Variants in PDZD8 observed in about 807,000 individuals in gnomAD.
PDZD8 encodes the protein PDZ domain containing 8.
Under a neutral mutation model 85.8 loss-of-function variants are expected in PDZD8, and 14 were observed. The observed-to-expected ratio is 0.16, with a 90% confidence interval of 0.11 to 0.26. PDZD8 has a LOEUF of 0.26. Among genes scored for constraint, PDZD8 ranks in the 10% least tolerant of loss-of-function variants. PDZD8 has a pLI of 1.00. For synonymous variants in PDZD8, 592 were observed against 568.6 expected (o/e 1.04, Z -0.59); for missense variants, 1,197 against 1,424.3 (o/e 0.84, Z 2.57).
chr10:117,366,329 A>C (rs368569964), intron 1 of PDZD8, among the ~76,000 whole-genome samples: 11 of 152,212 alleles, frequency 7.2e-5, no homozygotes, highest in African/African-American at 2.7e-4. Context: ...TTTATGCAGA[A>C]AATTTGTTTT....
At chr10:117,353,530 A>G (rs1844842481) in intron 1 of PDZD8, among the ~76,000 whole-genome samples, 1 of 152,164 alleles carries the variant, frequency 6.6e-6, no homozygotes, top group African/African-American at 2.4e-5. Context: ...GAGAATCTAC[A>G]CCTTGATGTT....
intron 3 of PDZD8, among the ~76,000 whole-genome samples, chr10:117,300,731 G>C (rs2133779851): frequency 6.6e-6 from 1 of 152,214 alleles, no homozygotes; most frequent in South Asian, 2.1e-4. Context: ...AGGTCATGAG[G>C]GTGGAGCCCT....
Position 117,367,785 on chromosome 10 carries a change from T to G in PDZD8, c.872+6571A>C, listed in dbSNP as rs561524318. On this transcript the variant is annotated intron_variant, in intron 1 of 4. Transcript: ENST00000334464. ...CCCATCTCTACTAAAAATAAAAAAA[T>G]TAGCTGGGCATTGTGGCACACGCCT... Among the ~76,000 whole-genome samples the G allele has an allele frequency of 3.3e-5, 5 of 151,956 alleles. No individual in the cohort carries two copies. In the South Asian group the frequency reaches 1.0e-3, roughly 32 times the overall value.
chr10:117,366,666 C>T (rs1589597060), intron 1 of PDZD8, among the ~76,000 whole-genome samples: 1 of 151,812 alleles, frequency 6.6e-6, no homozygotes, highest in East Asian at 2.0e-4. Context: ...AAAAACCATT[C>T]TTAATGCAGG....
intron 2 of PDZD8, among the ~76,000 whole-genome samples, chr10:117,339,242 C>G (rs17096122): frequency 0.04 from 6,114 of 151,766 alleles, 144 homozygotes; most frequent in East Asian, 0.067. Context: ...CCTGTGTGCT[C>G]AAGTACTTAA....
intron 3 of PDZD8, among the ~76,000 whole-genome samples, chr10:117,300,168 C>T (rs80341034): frequency 6.6e-6 from 1 of 152,162 alleles, no homozygotes; most frequent in East Asian, 1.9e-4. Context: ...GTTAAAAAAA[C>T]TGGGCCTGCT....
At chr10:117,345,989 CCAGCA>C (rs1285195361) in intron 1 of PDZD8, among the ~76,000 whole-genome samples, 1 of 151,958 alleles carries the variant, frequency 6.6e-6, no homozygotes, top group Non-Finnish European at 1.5e-5. Flanking sequence ...GCCTGTAATC[CCAGCA>C]CTTTGGGAGG....
chr10:117,309,019 T>C (rs1843990552), intron 3 of PDZD8, among the ~76,000 whole-genome samples: 1 of 152,144 alleles, frequency 6.6e-6, no homozygotes, highest in Admixed American at 6.6e-5. Context: ...GTTTATGTCC[T>C]AGTTCTGCAT....
Position 117,340,049 on chromosome 10 carries a change from T to C in PDZD8, c.995+931A>G, listed in dbSNP as rs984954735. Among the ~76,000 whole-genome samples the C allele has an allele frequency of 3.3e-5, 5 of 152,304 alleles. No homozygotes were observed. The East Asian group carries it at 7.7e-4, about 23-fold the overall frequency. ...GAGATATGAAGGCTAGTATAGTAAGTAGCTCAAGCAAGATATGAATATAGC... is the reference window on the plus strand; with the variant it reads ...GAGATATGAAGGCTAGTATAGTAAGCAGCTCAAGCAAGATATGAATATAGC... On this transcript the variant is annotated intron_variant, in intron 2 of 4. Transcript: ENST00000334464.
chr10:117,289,367 T>C (rs1844718437), intron 4 of PDZD8, among the ~76,000 whole-genome samples: 3 of 152,228 alleles, frequency 2.0e-5, no homozygotes, highest in African/African-American at 4.8e-5. Context: ...TTCTAACTTA[T>C]TTATTGTCTA....
intron 2 of PDZD8, among the ~76,000 whole-genome samples, chr10:117,327,177 A>C (rs1844331816): frequency 6.6e-6 from 1 of 152,202 alleles, no homozygotes; most frequent in Non-Finnish European, 1.5e-5. Flanking sequence ...GCATGTTGAA[A>C]CTGGCAATGC....
intron 1 of PDZD8, among the ~76,000 whole-genome samples, chr10:117,354,388 T>C (rs1844857836): frequency 6.6e-6 from 1 of 152,206 alleles, no homozygotes; most frequent in Admixed American, 6.5e-5. Flanking sequence ...TCTTCTCTTC[T>C]TTATGCCAAA....
chr10:117,307,953 A>G (rs908991147), intron 3 of PDZD8, among the ~76,000 whole-genome samples: 1 of 152,116 alleles, frequency 6.6e-6, no homozygotes, highest in African/African-American at 2.4e-5. Flanking sequence ...TTACAGCAAA[A>G]TGCAAATGGG....
intron 1 of PDZD8, among the ~76,000 whole-genome samples, chr10:117,349,383 T>A (rs550425388): frequency 6.6e-6 from 1 of 152,134 alleles, no homozygotes. Flanking sequence ...AACTGGAATA[T>A]AGAGAAGGAA....
chr10:117,323,844 T>C (rs1844268810), intron 2 of PDZD8, among the ~76,000 whole-genome samples: 1 of 152,120 alleles, frequency 6.6e-6, no homozygotes, highest in East Asian at 1.9e-4. Flanking sequence ...GCTAGAGAAA[T>C]ATGAAGCTGT....
intron 1 of PDZD8, among the ~76,000 whole-genome samples, chr10:117,351,756 T>C (rs1404488416): frequency 2.0e-5 from 3 of 152,204 alleles, no homozygotes; most frequent in Admixed American, 1.3e-4. Context: ...GGTGTGATCA[T>C]GGCTCACTAC....
chr10:117,374,513 T>A lies in PDZD8; in HGVS notation c.715A>T (p.Thr239Ser), dbSNP rs753171090. Residue 239 changes from threonine (T) to serine (S), a missense_variant, in exon 1 of 5, where the codon ACC (threonine) becomes TCC (serine). Physicochemically the swap from Thr to Ser is moderately conservative, Grantham distance 58 (BLOSUM62 1). Around this residue, in one of 4 missense-constraint regions of PDZD8, gnomAD observed 344 missense variants for 453.6 expected, o/e 0.76. Coordinates refer to ENST00000334464, the MANE Select transcript of PDZD8 (RefSeq NM_173791.5). The surrounding 1 kb of genome is among the most constrained non-coding windows in gnomAD (Gnocchi z 7.8). ...LRLVFTRVPF[T>S]HWFFSFVEDP... ...TCCACGAAGGAGAAGAACCAGTGGGTGAAGGGCACGCGCGTAAAGACCAAG... is the reference window on the plus strand; with the variant it reads ...TCCACGAAGGAGAAGAACCAGTGGGAGAAGGGCACGCGCGTAAAGACCAAG... 11 of 1,612,604 alleles carry A rather than the reference T, an allele frequency of 6.8e-6. No homozygotes were observed. The Admixed American group carries it at 1.8e-4, about 27-fold the overall frequency.
Position 117,279,154 on chromosome 10 carries a change from T to C in PDZD8, c.*4114A>G, listed in dbSNP as rs1216051065. 6.6e-6 allele frequency: 1 copy of C among 152,222 alleles called. No individual in the cohort carries two copies. Among genetic ancestry groups the C allele is most frequent in the Non-Finnish European group, 1.5e-5 (1 of 68,036 alleles). 9.4% of individuals were successfully genotyped at this position (152,222 alleles called of 1,614,324 possible). ...GAACTGTTTTGGAGCAAAAGATAGC[T>C]TGTACTTGGGGAAAAAAATTCTAAG... On this transcript the variant is annotated 3_prime_UTR_variant, in exon 5 of 5. Transcript: ENST00000334464.
chr10:117,325,404 CT>C (rs71013659), intron 2 of PDZD8, among the ~76,000 whole-genome samples: 1,772 of 99,836 alleles, frequency 0.018, 92 homozygotes, highest in African/African-American at 0.059. Flanking sequence ...GAAAAGCCAA[CT>C]TTTTTTTTTT....
Sources: allele counts gnomAD v4.1 joint callset (sites outside exome capture counted in the v4.1 genomes callset), GRCh38; gene constraint gnomAD v4.1.1; regional missense constraint gnomAD v4.1.1; non-coding constraint Gnocchi (gnomAD v3.1); transcripts MANE v1.5; gene names NCBI Gene and HGNC (gene_info 2026-07-23, HGNC 2026-07-21).